MOB3B: variants seen among roughly 807,000 people sequenced by gnomAD.
MOB3B encodes the protein MOB kinase activator-like 2B.
MOB3B carries 7 observed loss-of-function variants against 18.7 expected under a neutral mutation model. The ratio of observed to expected loss-of-function variants is 0.37; its 90% confidence interval spans 0.21 to 0.70. The LOEUF (loss-of-function observed/expected upper bound fraction) is 0.70, where lower values mean the gene tolerates loss of function less well. MOB3B is among the 30% of genes least tolerant of loss of function. The probability of loss-of-function intolerance (pLI) is 0.52; values close to 1 mark genes in which losing one functional copy is unlikely to be tolerated. For synonymous variants in MOB3B, 111 were observed against 99.9 expected, an observed-to-expected ratio of 1.11 and a Z score of -0.66; for missense variants, 253 against 281.3, an observed-to-expected ratio of 0.90 and a Z score of 0.72.
At position 27,455,696 on chromosome 9, in the gene MOB3B, A is replaced by G; in HGVS notation, c.-146T>C. ...CTGTAGCTTTTAAGCTCTTCTAAAC[A>G]GCCCCTTCCATCTTCCTCTTGAATG... On this transcript the variant is annotated 5_prime_UTR_variant, in exon 2 of 4. Coordinates refer to ENST00000262244, the MANE Select transcript of MOB3B (RefSeq NM_024761.5). 1.3e-6 allele frequency: 2 copies of G among 1,489,548 alleles called. No individual in the cohort carries two copies. Among genetic ancestry groups the G allele is most frequent in the Non-Finnish European group, 1.8e-6 (2 of 1,130,718 alleles). 92.3% of individuals were successfully genotyped at this position (1,489,548 alleles called of 1,614,324 possible).
intron 2 of MOB3B, among the ~76,000 whole-genome samples, chr9:27,388,399 A>G (rs1587174492): frequency 6.6e-6 from 1 of 152,132 alleles, no homozygotes; most frequent in East Asian, 1.9e-4. Flanking sequence ...CCAGGGGGTT[A>G]TTACCTTTAT....
At position 27,325,710 on chromosome 9, in the gene MOB3B, C is replaced by A. The variant is rs1462434803; in HGVS notation, c.*4877G>T. ...GAACAAGAATGACAACAGTGTCAAC[C>A]AAATGATGCCTCCAACTCCTTTTAA... On this transcript the variant is annotated 3_prime_UTR_variant, in exon 4 of 4. Transcript: ENST00000262244. The A allele has an allele frequency of 6.6e-6, 1 of 152,190 alleles. No individual in the cohort carries two copies. The highest frequency in any genetic ancestry group is 1.5e-5 in the Non-Finnish European group (1 of 68,022). 9.4% of individuals were successfully genotyped at this position (152,190 alleles called of 1,614,324 possible).
intron 1 of MOB3B, among the ~76,000 whole-genome samples, chr9:27,471,861 G>T (rs568383294): frequency 9.9e-5 from 15 of 152,260 alleles, no homozygotes; most frequent in African/African-American, 3.6e-4. Context: ...CACTCTTAGT[G>T]GGTTATACCT....
intron 2 of MOB3B, among the ~76,000 whole-genome samples, chr9:27,416,299 G>A (rs1822147509): frequency 6.6e-6 from 1 of 151,908 alleles, no homozygotes; most frequent in East Asian, 1.9e-4. Flanking sequence ...TGGCATATCA[G>A]GGAAAAAAGA....
chr9:27,370,075 C>T (rs1307700715), intron 2 of MOB3B, among the ~76,000 whole-genome samples: 4 of 151,650 alleles, frequency 2.6e-5, no homozygotes, highest in South Asian at 2.1e-4. Flanking sequence ...TTGAATGCAA[C>T]GGATTGAATG....
At chr9:27,475,039 G>C (rs770972161) in intron 1 of MOB3B, among the ~76,000 whole-genome samples, 2 of 152,204 alleles carry the variant, frequency 1.3e-5, no homozygotes, top group African/African-American at 2.4e-5. Context: ...TCTGAGATTA[G>C]CTTATAAAAC....
chr9:27,395,785 G>GAAAAA (rs1821789390), intron 2 of MOB3B, among the ~76,000 whole-genome samples: 1 of 152,194 alleles, frequency 6.6e-6, no homozygotes, highest in South Asian at 2.1e-4. Context: ...GCTGAGTCAG[G>GAAAAA]CTCAGCCTGA....
At chr9:27,484,749 C>T (rs1819709626) in intron 1 of MOB3B, among the ~76,000 whole-genome samples, 1 of 152,048 alleles carries the variant, frequency 6.6e-6, no homozygotes, top group African/African-American at 2.4e-5. Context: ...CCCCCCGACC[C>T]CCGGCCTCCT....
At chr9:27,513,177 C>T (rs188122804) in intron 1 of MOB3B, among the ~76,000 whole-genome samples, 4 of 152,308 alleles carry the variant, frequency 2.6e-5, no homozygotes, top group Admixed American at 2.0e-4. Flanking sequence ...TGGAAAACTG[C>T]CTTTGGTGAT....
chr9:27,521,469 G>A (rs1004668727), intron 1 of MOB3B, among the ~76,000 whole-genome samples: 4 of 152,130 alleles, frequency 2.6e-5, no homozygotes, highest in African/African-American at 4.8e-5. Context: ...TAAGCACCAC[G>A]GGCAATTTCA....
intron 1 of MOB3B, among the ~76,000 whole-genome samples, chr9:27,498,999 C>A (rs1819946236): frequency 6.6e-6 from 1 of 152,046 alleles, no homozygotes. Flanking sequence ...TAAAGTGCAC[C>A]AAATTTATCT....
At chr9:27,364,802 A>T (rs553329753) in intron 2 of MOB3B, among the ~76,000 whole-genome samples, 51 of 152,324 alleles carry the variant, frequency 3.3e-4, no homozygotes, top group African/African-American at 1.2e-3. Flanking sequence ...TTAGTATCCC[A>T]TTGACCAAAT....
intron 3 of MOB3B, among the ~76,000 whole-genome samples, chr9:27,348,812 G>A (rs1257495179): frequency 6.6e-6 from 1 of 152,176 alleles, no homozygotes; most frequent in African/African-American, 2.4e-5. Context: ...TTCCATCTTG[G>A]TTGCCCTCTC....
intron 3 of MOB3B, among the ~76,000 whole-genome samples, chr9:27,337,087 C>T (rs1820875874): frequency 6.6e-6 from 1 of 152,174 alleles, no homozygotes; most frequent in African/African-American, 2.4e-5. Context: ...TCAGATGGGA[C>T]ATACCTGGAA....
At chr9:27,509,218 T>C (rs1054770097) in intron 1 of MOB3B, among the ~76,000 whole-genome samples, 1 of 152,158 alleles carries the variant, frequency 6.6e-6, no homozygotes, top group Non-Finnish European at 1.5e-5. Context: ...TAAGAGATAC[T>C]GTAACTTTCA....
chr9:27,509,046 C>T (rs1157673680), intron 1 of MOB3B, among the ~76,000 whole-genome samples: 1 of 152,196 alleles, frequency 6.6e-6, no homozygotes, highest in African/African-American at 2.4e-5. Context: ...GAATGATCAT[C>T]CACATGCCAC....
chr9:27,511,008 G>A (rs1820133718), intron 1 of MOB3B, among the ~76,000 whole-genome samples: 1 of 152,112 alleles, frequency 6.6e-6, no homozygotes, highest in African/African-American at 2.4e-5. Context: ...GTCAGGTCAA[G>A]CGGCAGGGAC....
chr9:27,509,642 C>A (rs1309912243), intron 1 of MOB3B, among the ~76,000 whole-genome samples: 2 of 152,056 alleles, frequency 1.3e-5, no homozygotes, highest in African/African-American at 2.4e-5. Flanking sequence ...GTCTCGAACT[C>A]CTGACCTCAA....
intron 2 of MOB3B, among the ~76,000 whole-genome samples, chr9:27,381,389 G>A (rs1821575540): frequency 6.6e-6 from 1 of 151,934 alleles, no homozygotes; most frequent in Admixed American, 6.6e-5. Flanking sequence ...TCTTCCCTGA[G>A]GCTGGAGTCC....
Sources: gnomAD v4.1 joint callset for allele counts (sites outside exome capture counted in the v4.1 genomes callset) on GRCh38, gnomAD v4.1.1 for gene constraint, MANE v1.5 for transcripts, NCBI Gene and HGNC (gene_info 2026-07-23, HGNC 2026-07-21) for gene names.